The following USH2A variants were observed in gnomAD, a reference collection of about 807,000 sequenced individuals.
USH2A encodes the protein Usher syndrome 2A (autosomal recessive, mild).
Under a neutral mutation model 538.9 loss-of-function variants are expected in USH2A, and 443 were observed. The observed-to-expected ratio is 0.82, with a 90% confidence interval of 0.76 to 0.89. The LOEUF (loss-of-function observed/expected upper bound fraction) is 0.89. Ranked by LOEUF, USH2A falls within the 40% of genes least tolerant of loss-of-function variation. USH2A has a pLI of 0.00. For synonymous variants in USH2A, 2,413 were observed against 2,273.5 expected, an observed-to-expected ratio of 1.06 and a Z score of -1.75; for missense variants, 6,633 against 6,324.8, an observed-to-expected ratio of 1.05 and a Z score of -1.65.
At chr1:216,390,789 C>G (rs1412953680) in intron 3 of USH2A, among the ~76,000 whole-genome samples, 2 of 152,114 alleles carry the variant, frequency 1.3e-5, no homozygotes, top group African/African-American at 4.8e-5. Flanking sequence ...ATGCTCCCAC[C>G]ACTTGGGCAT....
At chr1:216,228,999 C>A (rs558422981) in intron 14 of USH2A, among the ~76,000 whole-genome samples, 4 of 152,140 alleles carry the variant, frequency 2.6e-5, no homozygotes, top group African/African-American at 7.2e-5. Flanking sequence ...TGGTGAAACC[C>A]TGTCTCCACT....
chr1:216,242,378 A>AT (rs1558338837), intron 13 of USH2A, among the ~76,000 whole-genome samples: 368 of 149,774 alleles, frequency 2.5e-3, no homozygotes, highest in African/African-American at 8.7e-3. Flanking sequence ...AAGAAAAAAA[A>AT]AATATATATA....
At chr1:216,250,250 A>C (rs954757147) in intron 12 of USH2A, among the ~76,000 whole-genome samples, 2 of 152,206 alleles carry the variant, frequency 1.3e-5, no homozygotes, top group African/African-American at 4.8e-5. Context: ...TGGGAGTAAC[A>C]AACAAAAAAG....
intron 55 of USH2A, among the ~76,000 whole-genome samples, chr1:215,771,411 T>G (rs1232509800): frequency 1.3e-5 from 2 of 149,648 alleles, no homozygotes; most frequent in African/African-American, 4.9e-5. Context: ...AAACCCCGTC[T>G]CTACTAAAAA....
chr1:215,675,224 A>G lies in USH2A; in HGVS notation c.12687T>C (p.Gly4229=), dbSNP rs1657978228. 2 of 1,613,960 alleles carry G rather than the reference A, an allele frequency of 1.2e-6. No homozygotes were observed. Among genetic ancestry groups the G allele is most frequent in the Non-Finnish European group, 1.7e-6 (2 of 1,180,012 alleles). ...ATTCACACTGCGTCCATGGTTGCAA[A>G]CCTGTGTCATTATACATAAATGTAT... ...ERNTFMYNDT[G]LQPWTQCEYK... Residue 4229 remains glycine, a synonymous_variant, in exon 63 of 72, where the codon GGT becomes GGC. Coordinates refer to ENST00000307340, the MANE Select transcript of USH2A (RefSeq NM_206933.4).
chr1:215,893,715 CA>C (rs2102464431), intron 40 of USH2A, among the ~76,000 whole-genome samples: 1 of 152,212 alleles, frequency 6.6e-6, no homozygotes, highest in Admixed American at 6.5e-5. Flanking sequence ...ACATTACAAG[CA>C]CTCTATATTT....
chr1:215,878,835 C>A lies in USH2A; in HGVS notation c.8487G>T (p.Val2829=), dbSNP rs1664836866. 2 of 1,613,888 alleles carry A rather than the reference C, an allele frequency of 1.2e-6. No homozygotes were observed. The highest frequency in any genetic ancestry group is 1.7e-6 in the Non-Finnish European group (2 of 1,179,962). Reference sequence around the variant, plus strand: ...CAACATATGATTCACTTAGTGGAATCACAGACAATGGGCCAACATTCTGAG... The same window carrying A: ...CAACATATGATTCACTTAGTGGAATAACAGACAATGGGCCAACATTCTGAG... ...TVPQNVGPLS[V]IPLSESYVVI... Residue 2829 remains valine, a synonymous_variant, in exon 42 of 72, where the codon GTG becomes GTT. Coordinates refer to ENST00000307340, the MANE Select transcript of USH2A (RefSeq NM_206933.4).
At chr1:216,047,498 T>C (rs116394554) in intron 31 of USH2A, among the ~76,000 whole-genome samples, 1,795 of 152,230 alleles carry the variant, frequency 0.012, 41 homozygotes, top group African/African-American at 0.042. Context: ...GACAGCATAG[T>C]TCAGGTGAGG....
At chr1:216,367,477 T>A (rs891197226) in intron 3 of USH2A, among the ~76,000 whole-genome samples, 3 of 152,198 alleles carry the variant, frequency 2.0e-5, no homozygotes, top group African/African-American at 7.2e-5. Context: ...ATAGAAAGCA[T>A]GTTTTTGATT....
At chr1:216,103,883 G>A (rs2032656897) in intron 21 of USH2A, among the ~76,000 whole-genome samples, 1 of 151,986 alleles carries the variant, frequency 6.6e-6, no homozygotes, top group Admixed American at 6.6e-5. Context: ...CACTAGAATT[G>A]GTCAAATTAA....
chr1:215,839,734 C>T (rs1211207883), intron 46 of USH2A, among the ~76,000 whole-genome samples: 2 of 151,932 alleles, frequency 1.3e-5, no homozygotes, highest in Admixed American at 6.6e-5. Flanking sequence ...AGTGCTAAAA[C>T]GATATTGTAT....
chr1:216,040,305 A>G (rs1455584013), intron 32 of USH2A, among the ~76,000 whole-genome samples: 1 of 151,982 alleles, frequency 6.6e-6, no homozygotes, highest in Non-Finnish European at 1.5e-5. Context: ...TTATTTTTCT[A>G]TAATGTCCCT....
chr1:215,678,713 G>GACAC (rs150396890), intron 62 of USH2A, among the ~76,000 whole-genome samples: 21 of 149,714 alleles, frequency 1.4e-4, no homozygotes, highest in South Asian at 2.1e-4. Context: ...TATTCACACA[G>GACAC]ACACACACAC....
In USH2A at chr1:216,327,581, A is replaced by T. The variant is rs1383003228; in HGVS notation, c.848+10T>A. ...CGGTTCTTGAGGTTTACAATGCAAC[A>T]TCTGCTTACCTGTTTGTAAGTGCCA... On this transcript the variant is annotated intron_variant, in intron 5 of 71. Transcript: ENST00000307340. The T allele has an allele frequency of 1.9e-6, 3 of 1,612,938 alleles. No individual in the cohort carries two copies. Among genetic ancestry groups the T allele is most frequent in the African/African-American group, 1.3e-5 (1 of 74,864 alleles).
chr1:216,121,078 C>T (rs1571977793), intron 21 of USH2A, among the ~76,000 whole-genome samples: 2 of 152,052 alleles, frequency 1.3e-5, no homozygotes, highest in African/African-American at 2.4e-5. Context: ...GAGAAGAGGG[C>T]ATAATATGTA....
chr1:216,421,594 G>A (rs565423886), intron 2 of USH2A, among the ~76,000 whole-genome samples: 8 of 152,102 alleles, frequency 5.3e-5, no homozygotes, highest in Non-Finnish European at 8.8e-5. Flanking sequence ...ACCAAAGGTC[G>A]CGCTAAGCTA....
chr1:216,060,168 G>T (rs1214096734), intron 30 of USH2A, among the ~76,000 whole-genome samples: 1 of 152,134 alleles, frequency 6.6e-6, no homozygotes, highest in African/African-American at 2.4e-5. Flanking sequence ...TTCAATATGT[G>T]GTTCATAAAC....
At chr1:216,399,449 A>G (rs2039271304) in intron 3 of USH2A, among the ~76,000 whole-genome samples, 1 of 152,152 alleles carries the variant, frequency 6.6e-6, no homozygotes, top group East Asian at 1.9e-4. Context: ...GGGCCAATCA[A>G]TACTCTACAT....
intron 32 of USH2A, among the ~76,000 whole-genome samples, chr1:216,041,591 G>T (rs1316166554): frequency 6.6e-6 from 1 of 151,912 alleles, no homozygotes; most frequent in Non-Finnish European, 1.5e-5. Flanking sequence ...ATTTAGGAGG[G>T]GACATTAAAC....
Sources: allele counts gnomAD v4.1 joint callset (sites outside exome capture counted in the v4.1 genomes callset), GRCh38; gene constraint gnomAD v4.1.1; transcripts MANE v1.5; gene names NCBI Gene and HGNC (gene_info 2026-07-23, HGNC 2026-07-21).